STK32B: variants seen among roughly 807,000 people sequenced by gnomAD.
The protein encoded by STK32B is serine/threonine-protein kinase 32B.
A neutral mutation model predicts 52.6 loss-of-function variants in STK32B; 43 were observed. That is an observed-to-expected ratio of 0.82 (90% CI 0.64 to 1.05). STK32B has a LOEUF of 1.05. STK32B is among the 50% of genes least tolerant of loss of function. The pLI is 0.00. For synonymous variants in STK32B, 238 were observed against 204.3 expected (o/e 1.17, Z -1.41); for missense variants, 621 against 534.6 (o/e 1.16, Z -1.59).
intron 3 of STK32B, among the ~76,000 whole-genome samples, chr4:5,183,517 C>A (rs183105431): frequency 1.5e-3 from 231 of 152,012 alleles, no homozygotes; most frequent in African/African-American, 5.4e-3. Flanking sequence ...AAAATAAAAC[C>A]GGCCATTGAA....
At chr4:5,260,122 C>T (rs1282554970) in intron 3 of STK32B, among the ~76,000 whole-genome samples, 2 of 151,994 alleles carry the variant, frequency 1.3e-5, no homozygotes, top group African/African-American at 4.8e-5. Flanking sequence ...CACACGGAGC[C>T]GTACACACTA....
At chr4:5,384,409 G>T (rs575258264) in intron 4 of STK32B, among the ~76,000 whole-genome samples, 20 of 152,190 alleles carry the variant, frequency 1.3e-4, no homozygotes, top group African/African-American at 4.8e-4. Context: ...GGAGTAAAAG[G>T]TGCTGGAGGT....
intron 4 of STK32B, among the ~76,000 whole-genome samples, chr4:5,369,250 G>C (rs1470485093): frequency 6.6e-6 from 1 of 151,910 alleles, no homozygotes; most frequent in African/African-American, 2.4e-5. Flanking sequence ...GCATGGCAGA[G>C]TGAGCCTGGT....
chr4:5,045,040 G>A, the STK32B span, among the ~76,000 whole-genome samples: 1 of 152,238 alleles, frequency 6.6e-6, no homozygotes, highest in African/African-American at 2.4e-5. Flanking sequence ...CAAAGCCAGT[G>A]TTCCCCTTCA....
At chr4:5,426,266 C>T (rs1713083561) in intron 6 of STK32B, among the ~76,000 whole-genome samples, 1 of 152,114 alleles carries the variant, frequency 6.6e-6, no homozygotes, top group Non-Finnish European at 1.5e-5. Flanking sequence ...TCGTTGAGGT[C>T]ATTAGGCATT....
At chr4:5,447,674 T>C (rs1444034494) in intron 7 of STK32B, among the ~76,000 whole-genome samples, 1 of 152,154 alleles carries the variant, frequency 6.6e-6, no homozygotes. Flanking sequence ...CATTTTGAGG[T>C]GTTATTTCTT....
chr4:5,065,559 C>T (rs890288329), intron 1 of STK32B, among the ~76,000 whole-genome samples: 9 of 152,134 alleles, frequency 5.9e-5, no homozygotes, highest in South Asian at 2.1e-4. Flanking sequence ...CTTCTCACTC[C>T]GATCTTGCAG....
At chr4:5,290,892 A>G (rs1351130270) in intron 3 of STK32B, among the ~76,000 whole-genome samples, 2 of 152,146 alleles carry the variant, frequency 1.3e-5, no homozygotes, top group African/African-American at 4.8e-5. Flanking sequence ...TTGCAAGCTG[A>G]TAGTAAAATT....
At chr4:5,130,999 C>T (rs1715739626) in intron 1 of STK32B, among the ~76,000 whole-genome samples, 1 of 152,176 alleles carries the variant, frequency 6.6e-6, no homozygotes, top group Non-Finnish European at 1.5e-5. Flanking sequence ...TTCTCCCTGA[C>T]CTTGTGCCTG....
chr4:5,312,090 A>G (rs1387376868), intron 3 of STK32B, among the ~76,000 whole-genome samples: 2 of 151,676 alleles, frequency 1.3e-5, no homozygotes, highest in East Asian at 1.9e-4. Flanking sequence ...GGTAATATAT[A>G]GTACAATCAT....
chr4:5,417,325 T>A (rs1175175169), intron 6 of STK32B, among the ~76,000 whole-genome samples: 1 of 152,200 alleles, frequency 6.6e-6, no homozygotes, highest in African/African-American at 2.4e-5. Context: ...TTTTAAATGG[T>A]TTTTTAAGGA....
chr4:5,491,738 C>T (rs1235883172), intron 11 of STK32B, among the ~76,000 whole-genome samples: 1 of 151,714 alleles, frequency 6.6e-6, no homozygotes, highest in East Asian at 1.9e-4. Flanking sequence ...TTTAATCCAC[C>T]TTGAATTAAT....
At chr4:5,103,905 C>T (rs890750292) in intron 1 of STK32B, among the ~76,000 whole-genome samples, 7 of 152,074 alleles carry the variant, frequency 4.6e-5, no homozygotes, top group East Asian at 3.9e-4. Flanking sequence ...AGAGTTCACT[C>T]GGATACCTTA....
At chr4:5,082,082 T>G (rs1471540953) in intron 1 of STK32B, among the ~76,000 whole-genome samples, 1 of 152,194 alleles carries the variant, frequency 6.6e-6, no homozygotes, top group African/African-American at 2.4e-5. Context: ...TTTTAGGCTT[T>G]CTTAGACCTC....
chr4:5,330,827 G>A (rs971662485), intron 3 of STK32B, among the ~76,000 whole-genome samples: 8 of 152,200 alleles, frequency 5.3e-5, no homozygotes, highest in African/African-American at 1.9e-4. Context: ...AGGGAATGGA[G>A]GGAATGTTTG....
At chr4:5,312,900 C>G (rs1265581713) in intron 3 of STK32B, among the ~76,000 whole-genome samples, 2 of 152,018 alleles carry the variant, frequency 1.3e-5, no homozygotes, top group African/African-American at 2.4e-5. Context: ...AGTTTACAGT[C>G]CCACCAACAG....
At chr4:5,224,180 C>T (rs998204841) in intron 3 of STK32B, among the ~76,000 whole-genome samples, 12 of 152,076 alleles carry the variant, frequency 7.9e-5, no homozygotes, top group African/African-American at 2.4e-4. Flanking sequence ...ATATTTTGTA[C>T]GTGAGAAGAA....
At chr4:5,445,990 C>T (rs529253085) in intron 6 of STK32B, among the ~76,000 whole-genome samples, 19 of 152,266 alleles carry the variant, frequency 1.2e-4, no homozygotes, top group African/African-American at 3.8e-4. Context: ...AGGTTCTCAA[C>T]CCCCTGGGGG....
chr4:5,498,609 GAAATATAAATATATGGTATATACAA>G (rs1204908964), intron 11 of STK32B, among the ~76,000 whole-genome samples: 1 of 152,114 alleles, frequency 6.6e-6, no homozygotes, highest in African/African-American at 2.4e-5. Context: ...GTGAGCTTGG[GAAATATAAATATATGGTATATACAA>G]AAATATAAAT....
Sources: allele counts gnomAD v4.1 joint callset (sites outside exome capture counted in the v4.1 genomes callset), GRCh38; gene constraint gnomAD v4.1.1; transcripts MANE v1.5; gene names NCBI Gene and HGNC (gene_info 2026-07-23, HGNC 2026-07-21).